TRPM3: variants seen among roughly 807,000 people sequenced by gnomAD.
TRPM3 encodes transient receptor potential cation channel subfamily M member 3, also known as long transient receptor potential channel 3.
A neutral mutation model predicts 181.2 loss-of-function variants in TRPM3; 77 were observed. That is an observed-to-expected ratio of 0.42 (90% CI 0.35 to 0.51). The LOEUF is 0.51. TRPM3 is among the 20% of genes least tolerant of loss of function. The pLI is 0.01. For missense variants in TRPM3, 1,759 were observed against 2,196.7 expected, an observed-to-expected ratio of 0.80 and a Z score of 3.98; for synonymous variants, 745 against 796.4, an observed-to-expected ratio of 0.94 and a Z score of 1.09.
At chr9:71,189,655 C>T (rs1023219982) in intron 1 of TRPM3, among the ~76,000 whole-genome samples, 2 of 151,682 alleles carry the variant, frequency 1.3e-5, no homozygotes, top group African/African-American at 4.8e-5. Flanking sequence ...TGCATCCTCC[C>T]CACACAACCA....
rs541584561 is a variant in TRPM3, at chr9:70,534,173, G to A, written c.*1780C>T. 6.6e-6 allele frequency: 1 copy of A among 152,246 alleles called. No homozygotes were observed. Among genetic ancestry groups the A allele is most frequent in the Non-Finnish European group, 1.5e-5 (1 of 68,016 alleles). The allele number at this position is 152,246 out of a possible 1,614,324, so 9.4% of individuals were successfully genotyped here. ...CTCTACTTTAGAGTCTGTAACACTA[G>A]CTGGTTTAAAGTTGCGTGTCTATTC... On this transcript the variant is annotated 3_prime_UTR_variant, in exon 26 of 26. Transcript: ENST00000677713.
intron 14 of TRPM3, among the ~76,000 whole-genome samples, chr9:70,623,957 T>C (rs143239005): frequency 0.015 from 2,226 of 146,080 alleles, 51 homozygotes; most frequent in African/African-American, 0.051. Context: ...GCAGATGTTT[T>C]TGGAATGACC....
rs532825671 is a variant in TRPM3, at chr9:70,948,106, T to C, written c.178-83595A>G. Among the ~76,000 whole-genome samples, 4 of 141,448 alleles carry C rather than the reference T, an allele frequency of 2.8e-5. No homozygotes were observed. In the East Asian group the frequency reaches 7.9e-4, roughly 28 times the overall value. 92.8% of individuals were successfully genotyped at this position (141,448 alleles called of 152,430 possible). A position where few individuals can be genotyped will look rare whatever the true frequency, so the allele number is the denominator to read the frequency against. ...CAGCTCCTATATTTTTACTCTCACA[T>C]TGAAAAGCCAATTTTTTTTTTTTTT... is the stretch of plus-strand genomic sequence containing the variant. On this transcript the variant is annotated intron_variant, in intron 1 of 25. Transcript: ENST00000677713.
intron 1 of TRPM3, among the ~76,000 whole-genome samples, chr9:71,160,445 A>G (rs1237940413): frequency 2.0e-5 from 3 of 152,150 alleles, no homozygotes; most frequent in Non-Finnish European, 4.4e-5. Flanking sequence ...TGTTAAATGC[A>G]AAGTAAGTTA....
At position 70,694,938 on chromosome 9, in the gene TRPM3, C is replaced by T. The variant is rs538654230; in HGVS notation, c.1273-13360G>A. On this transcript the variant is annotated intron_variant, in intron 8 of 25. Transcript: ENST00000677713. ...CAGTTAGACTCACCCAGTTCTTATG[C>T]CTACAAAGTAAGCTAAGTGTCACGT... is the stretch of plus-strand genomic sequence containing the variant. 2.6e-5 allele frequency among the ~76,000 whole-genome samples: 4 copies of T among 152,322 alleles called. No homozygotes were observed. The South Asian group carries it at 6.2e-4, about 24-fold the overall frequency.
intron 25 of TRPM3, among the ~76,000 whole-genome samples, chr9:70,540,682 C>T (rs1042172095): frequency 6.6e-5 from 10 of 152,300 alleles, no homozygotes; most frequent in South Asian, 4.2e-4. Flanking sequence ...ACAGCCTGGA[C>T]AACATAGGGA....
chr9:71,133,292 C>CTTTTTTTTTTT (rs761379173), intron 1 of TRPM3, among the ~76,000 whole-genome samples: 14,194 of 72,124 alleles, frequency 0.2, 3,850 homozygotes, highest in Middle Eastern at 0.33. Context: ...TAGCAAATTG[C>CTTTTTTTTTTT]TTTTTTTTTT....
chr9:71,404,952 T>C (rs1363604685), intron 1 of TRPM3, among the ~76,000 whole-genome samples: 2 of 152,196 alleles, frequency 1.3e-5, no homozygotes, highest in Admixed American at 6.5e-5. Flanking sequence ...CTCTTCAACT[T>C]ATCCAGGAAG....
At chr9:71,309,229 G>A (rs1309246139) in intron 1 of TRPM3, among the ~76,000 whole-genome samples, 1 of 152,090 alleles carries the variant, frequency 6.6e-6, no homozygotes, top group African/African-American at 2.4e-5. Flanking sequence ...TAGCTGTAAC[G>A]TTTAGGACAC....
chr9:70,931,568 T>G (rs1479973032), intron 1 of TRPM3, among the ~76,000 whole-genome samples: 1 of 151,944 alleles, frequency 6.6e-6, no homozygotes, highest in Non-Finnish European at 1.5e-5. Context: ...GAAGTAAAAG[T>G]TAGAATTGAT....
chr9:71,405,573 C>T lies in TRPM3; in HGVS notation c.183+41080G>A, dbSNP rs113031230. Among the ~76,000 whole-genome samples, 85 of 152,130 alleles carry T rather than the reference C, an allele frequency of 5.6e-4. 1 individual carries two copies. Among genetic ancestry groups the T allele is most frequent in the African/African-American group, 1.9e-3 (80 of 41,508 alleles). On this transcript the variant is annotated intron_variant, in intron 1 of 24. Coordinates refer to the TRPM3 transcript ENST00000357533. ...TCTTCCTTTAGGAATGTGAAAAAAA[C>T]AAAAGTAAGCTTAAACCACTCTTGA...
chr9:70,953,580 C>T (rs1218969579), intron 1 of TRPM3, among the ~76,000 whole-genome samples: 3 of 151,934 alleles, frequency 2.0e-5, no homozygotes, highest in East Asian at 1.9e-4. Flanking sequence ...ATTTGTAGGC[C>T]GTAAAAATGG....
chr9:70,666,735 T>A (rs560492399), intron 9 of TRPM3, among the ~76,000 whole-genome samples: 1 of 152,288 alleles, frequency 6.6e-6, no homozygotes, highest in South Asian at 2.1e-4. Context: ...TGACTTGGTA[T>A]AGGATTATTT....
intron 5 of TRPM3, among the ~76,000 whole-genome samples, chr9:70,834,922 G>A (rs1344166756): frequency 6.6e-6 from 1 of 152,202 alleles, no homozygotes; most frequent in Non-Finnish European, 1.5e-5. Flanking sequence ...ATCTCATGTT[G>A]AAATGTAATC....
intron 1 of TRPM3, among the ~76,000 whole-genome samples, chr9:71,338,951 G>A (rs1304116606): frequency 1.3e-5 from 2 of 152,104 alleles, no homozygotes; most frequent in African/African-American, 4.8e-5. Context: ...TCTATTTGTA[G>A]ATAACATGAT....
chr9:71,420,989 G>GAGAGAGAAAGAGAGAGAAAA (rs2093757469), intron 1 of TRPM3, among the ~76,000 whole-genome samples: 3 of 101,878 alleles, frequency 2.9e-5, no homozygotes, highest in East Asian at 5.9e-4. Flanking sequence ...GAGAGAAAAA[G>GAGAGAGAAAGAGAGAGAAAA]AGAGAGAAAA....
chr9:71,220,175 G>C (rs1373802571), intron 1 of TRPM3, among the ~76,000 whole-genome samples: 1 of 152,080 alleles, frequency 6.6e-6, no homozygotes, highest in Non-Finnish European at 1.5e-5. Context: ...GGACTCAAAA[G>C]AGTCAATTGT....
In TRPM3 at chr9:71,130,925, T is replaced by C. The variant is rs1272578822; in HGVS notation, c.184-266414A>G. 2.0e-5 allele frequency among the ~76,000 whole-genome samples: 3 copies of C among 152,226 alleles called. No individual in the cohort carries two copies. In the East Asian group the frequency reaches 5.8e-4, roughly 29 times the overall value. ...CGTATGTTTTTCTTTGTACTTTAAT[T>C]AAATTCTTTGCAAGTAAACCTGTTG... On this transcript the variant is annotated intron_variant, in intron 1 of 24. Coordinates refer to the TRPM3 transcript ENST00000357533.
At chr9:70,778,581 A>G (rs1331537146) in intron 7 of TRPM3, among the ~76,000 whole-genome samples, 1 of 152,222 alleles carries the variant, frequency 6.6e-6, no homozygotes, top group Non-Finnish European at 1.5e-5. Context: ...TCAAGTTTTG[A>G]CATGATTTCT....
Sources: gnomAD v4.1 joint callset for allele counts (sites outside exome capture counted in the v4.1 genomes callset) on GRCh38, gnomAD v4.1.1 for gene constraint, MANE v1.5 for transcripts, NCBI Gene and HGNC (gene_info 2026-07-23, HGNC 2026-07-21) for gene names.